NINL: variants seen among roughly 807,000 people sequenced by gnomAD.
The protein encoded by NINL is ninein-like protein.
In NINL, 153 loss-of-function variants were observed where a neutral mutation model predicts 160.3. The observed-to-expected ratio is 0.95, with a 90% confidence interval of 0.84 to 1.09. The LOEUF (loss-of-function observed/expected upper bound fraction) is 1.09. Ranked by LOEUF, NINL falls within the 50% of genes least tolerant of loss-of-function variation. NINL has a pLI of 0.00. For missense variants in NINL, 1,829 were observed against 1,764.0 expected, an observed-to-expected ratio of 1.04 and a Z score of -0.66; for synonymous variants, 800 against 734.8, an observed-to-expected ratio of 1.09 and a Z score of -1.43.
intron 16 of NINL, 39 bp from the exon 17 acceptor site, chr20:25,477,128 C>A (rs771213321): frequency 6.0e-6 from 9 of 1,509,656 alleles, no homozygotes; most frequent in Non-Finnish European, 7.1e-6. Context: ...AGCCCTGCCG[C>A]CCCCAGCCCC....
rs922921185 is a variant in NINL at position 25,503,226 on chromosome 20, C to T, written c.861+726G>A. Among the ~76,000 whole-genome samples, 31 of 138,554 alleles carry T rather than the reference C, an allele frequency of 2.2e-4. 1 individual carries two copies. In the South Asian group the frequency reaches 2.9e-3, roughly 13 times the overall value. The allele number at this position is 138,554 out of a possible 152,430, so 90.9% of individuals were successfully genotyped here. A position where few individuals can be genotyped will look rare whatever the true frequency, so the allele number is the denominator to read the frequency against. On this transcript the variant is annotated intron_variant, in intron 7 of 23. Transcript: ENST00000278886. ...CCAGCAGGTGGGCACCTGAGCAGCACGTTCCTCACCTGAGCACTGCCTCCT... is the reference window on the plus strand; with the variant it reads ...CCAGCAGGTGGGCACCTGAGCAGCATGTTCCTCACCTGAGCACTGCCTCCT...
chr20:25,510,521 C>T (rs902943895), intron 5 of NINL, among the ~76,000 whole-genome samples, 153 bp downstream of exon 5: 25 of 152,220 alleles, frequency 1.6e-4, no homozygotes, highest in Non-Finnish European at 1.5e-5. Context: ...CTGACCACTC[C>T]TGCAGGAGGA....
In NINL at chr20:25,479,177, T is replaced by G; in HGVS notation, c.1947A>C (p.Ala649=). ...TCTCCTTCTCAAAGTTCCTTTTCAG[T>G]GCCGCAATTTCCCTTTCGTAGTAAT... ...KVNYYEREIA[A]LKRNFEKERK... is the part of the protein sequence containing the mutation. Residue 649 remains alanine (A), a synonymous_variant, in exon 16 of 24, where the codon GCA becomes GCC. Coordinates refer to ENST00000278886, the MANE Select transcript of NINL (RefSeq NM_025176.6). The G allele has an allele frequency of 3.1e-6, 5 of 1,610,394 alleles. No homozygotes were observed. The highest frequency in any genetic ancestry group is 4.2e-6 in the Non-Finnish European group (5 of 1,177,560).
At position 25,476,874 on chromosome 20, in the gene NINL, T is replaced by A. The variant is rs200217023; in HGVS notation, c.2417A>T (p.Glu806Val). The A allele has an allele frequency of 1.9e-6, 3 of 1,613,254 alleles. No homozygotes were observed. The highest frequency in any genetic ancestry group is 1.7e-6 in the Non-Finnish European group (2 of 1,179,882). Reference sequence around the variant, plus strand: ...CCCGCGGGCAAGCTCCAACTCCTCCTCCTCGAGGGCCAACGATACGCACAT... The same window carrying A: ...CCCGCGGGCAAGCTCCAACTCCTCCACCTCGAGGGCCAACGATACGCACAT... ...AQMCVSLALE[E>V]EELELARGKR... is the part of the protein sequence containing the mutation. The change falls in exon 17 of 24, where the codon GAG (glutamate) becomes GTG (valine). Residue 806 changes from glutamate (E) to valine (V), a missense_variant. Glu to Val is a moderately radical substitution (Grantham distance 121). Transcript: ENST00000278886.
intron 2 of NINL, 67 bp downstream of exon 2, chr20:25,526,341 C>G: frequency 7.3e-7 from 1 of 1,378,864 alleles, no homozygotes; most frequent in Non-Finnish European, 1.0e-6. Flanking sequence ...TGATATTTAT[C>G]AAATGCCCAT....
chr20:25,453,405 A>G lies in NINL; in HGVS notation c.*46T>C, dbSNP rs2146246665. ...GAATCTAAGGCAGCACAGTGGCTTA[A>G]TTTAAAAGATGTGCTTTCGAATGAA... On this transcript the variant is annotated 3_prime_UTR_variant, in exon 24 of 24. Coordinates refer to ENST00000278886, the MANE Select transcript of NINL (RefSeq NM_025176.6). 1.3e-6 allele frequency: 2 copies of G among 1,534,460 alleles called. No individual in the cohort carries two copies. Among genetic ancestry groups the G allele is most frequent in the Non-Finnish European group, 1.8e-6 (2 of 1,130,734 alleles).
At chr20:25,475,806 G>A (rs577309087) in intron 17 of NINL, among the ~76,000 whole-genome samples, 8 of 152,318 alleles carry the variant, frequency 5.3e-5, no homozygotes, top group South Asian at 2.1e-4. Flanking sequence ...TCAGGACCCC[G>A]AAAGGCAGTC....
chr20:25,548,136 C>T (rs907327941), intron 1 of NINL, among the ~76,000 whole-genome samples: 6 of 152,322 alleles, frequency 3.9e-5, no homozygotes, highest in African/African-American at 7.2e-5. Flanking sequence ...TTAAGGATGG[C>T]CACCTCCACA....
intron 18 of NINL, 88 bp downstream of exon 18, chr20:25,469,903 C>T: frequency 1.2e-6 from 1 of 853,456 alleles, no homozygotes; most frequent in Non-Finnish European, 2.0e-6. Flanking sequence ...GAGAACACTT[C>T]CCACTGTCTA....
At chr20:25,464,075 G>A (rs2062853815) in intron 19 of NINL, among the ~76,000 whole-genome samples, 2 of 152,206 alleles carry the variant, frequency 1.3e-5, no homozygotes, top group Non-Finnish European at 2.9e-5. Flanking sequence ...CAGTTCTTGA[G>A]ATAAACACAA....
chr20:25,453,924 C>T (rs756001066), intron 23 of NINL, among the ~76,000 whole-genome samples: 18 of 152,042 alleles, frequency 1.2e-4, no homozygotes, highest in South Asian at 4.2e-4. Context: ...TGGTGGCGGG[C>T]GCCTGTAGTC....
intron 1 of NINL, among the ~76,000 whole-genome samples, chr20:25,556,589 T>TAG (rs1429294233): frequency 6.6e-6 from 1 of 151,878 alleles, no homozygotes; most frequent in Non-Finnish European, 1.5e-5. Context: ...CATGCCACTG[T>TAG]ACTCCAACCT....
intron 9 of NINL, among the ~76,000 whole-genome samples, chr20:25,497,081 T>C (rs1324166214): frequency 1.3e-5 from 2 of 152,230 alleles, no homozygotes; most frequent in African/African-American, 2.4e-5. Flanking sequence ...TCCCACAGCA[T>C]GCCATATCAC....
intron 1 of NINL, among the ~76,000 whole-genome samples, chr20:25,572,837 T>C (rs199518081): frequency 6.6e-6 from 1 of 152,094 alleles, no homozygotes; most frequent in East Asian, 1.9e-4. Flanking sequence ...TAAACTGAAT[T>C]ATAAGGAAAG....
At chr20:25,546,513 T>C (rs1455813008) in intron 1 of NINL, among the ~76,000 whole-genome samples, 1 of 151,950 alleles carries the variant, frequency 6.6e-6, no homozygotes, top group Non-Finnish European at 1.5e-5. Flanking sequence ...AATTTGACTA[T>C]ATAAAAGTCA....
At chr20:25,455,647 C>G (rs2235607) in intron 23 of NINL, 26 bp downstream of exon 23, 270,013 of 1,543,350 alleles carry the variant, frequency 0.17, 25,316 homozygotes, top group East Asian at 0.33. Flanking sequence ...GACGTGAACA[C>G]GAAAGCAGCA....
At chr20:25,466,317 C>A (rs774596100) in intron 19 of NINL, among the ~76,000 whole-genome samples, 16 of 152,052 alleles carry the variant, frequency 1.1e-4, no homozygotes, top group Non-Finnish European at 1.5e-4. Context: ...GCACTGCACC[C>A]GGCCTGTAAC....
chr20:25,472,312 G>A (rs2063113039), intron 17 of NINL, among the ~76,000 whole-genome samples: 1 of 134,826 alleles, frequency 7.4e-6, no homozygotes. Flanking sequence ...GAAGAAAATA[G>A]TGGGAGGAGA....
chr20:25,531,997 G>C (rs2064472963), intron 1 of NINL, among the ~76,000 whole-genome samples: 1 of 152,176 alleles, frequency 6.6e-6, no homozygotes, highest in South Asian at 2.1e-4. Context: ...AAACAAGATG[G>C]GGAAAGTCTC....
Sources: allele counts gnomAD v4.1 joint callset (sites outside exome capture counted in the v4.1 genomes callset), GRCh38; gene constraint gnomAD v4.1.1; transcripts MANE v1.5; gene names NCBI Gene and HGNC (gene_info 2026-07-23, HGNC 2026-07-21).